Variants in CSMD1 observed in about 807,000 individuals in gnomAD.
CSMD1 encodes the protein CUB and Sushi multiple domains 1.
A neutral mutation model predicts 417.5 loss-of-function variants in CSMD1; 213 were observed. The observed-to-expected ratio is 0.51, with a 90% CI of 0.46 to 0.57. The LOEUF (loss-of-function observed/expected upper bound fraction) is 0.57. CSMD1 is among the 20% of genes least tolerant of loss of function. The pLI is 0.00. For missense variants in CSMD1, 6,923 were observed against 4,529.7 expected, an observed-to-expected ratio of 1.53 and a Z score of -15.17; for synonymous variants, 2,862 against 1,736.8, an observed-to-expected ratio of 1.65 and a Z score of -16.11.
At position 4,661,600 on chromosome 8, in the gene CSMD1, C is replaced by G. The variant is rs548131862; in HGVS notation, c.86-24042G>C. 1.8e-4 allele frequency among the ~76,000 whole-genome samples: 27 copies of G among 152,242 alleles called. No individual in the cohort carries two copies. In the South Asian group the frequency reaches 5.2e-3, roughly 29 times the overall value. ...TCAATACCTTAGCTGTGATGTTGTA[C>G]TATTTCCTGGCTTTGCAAGATGTTA... On this transcript the variant is annotated intron_variant, in intron 1 of 69. Coordinates refer to ENST00000635120, the MANE Select transcript of CSMD1 (RefSeq NM_033225.6).
chr8:4,214,668 G>A (rs1399911463), intron 3 of CSMD1, among the ~76,000 whole-genome samples: 1 of 152,132 alleles, frequency 6.6e-6, no homozygotes, highest in African/African-American at 2.4e-5. Flanking sequence ...GTGTGTATGA[G>A]TATGAGTGTG....
chr8:4,652,390 T>TG (rs397725079), intron 1 of CSMD1, among the ~76,000 whole-genome samples: 1 of 151,784 alleles, frequency 6.6e-6, no homozygotes, highest in Non-Finnish European at 1.5e-5. Context: ...TCTGTTTTTT[T>TG]GTCTGTTTCA....
intron 5 of CSMD1, among the ~76,000 whole-genome samples, chr8:3,996,805 C>G (rs1815256474): frequency 6.6e-6 from 1 of 152,178 alleles, no homozygotes; most frequent in Admixed American, 6.5e-5. Flanking sequence ...CAGGAAAGGA[C>G]TTCTCCATGA....
At chr8:4,032,774 T>C (rs868748773) in intron 3 of CSMD1, among the ~76,000 whole-genome samples, 6 of 152,200 alleles carry the variant, frequency 3.9e-5, no homozygotes, top group African/African-American at 1.4e-4. Context: ...TGAATTCACT[T>C]TCATTTTGTA....
intron 5 of CSMD1, among the ~76,000 whole-genome samples, chr8:3,789,363 T>C (rs932630544): frequency 1.2e-4 from 18 of 151,532 alleles, no homozygotes; most frequent in Non-Finnish European, 2.2e-4. Flanking sequence ...TCTGCTTGTA[T>C]TGCTAGTGTT....
At chr8:3,923,203 C>G (rs774715941) in intron 5 of CSMD1, among the ~76,000 whole-genome samples, 2 of 152,112 alleles carry the variant, frequency 1.3e-5, no homozygotes, top group Non-Finnish European at 2.9e-5. Context: ...GTGGCTGACT[C>G]TGGAGCTCAG....
intron 1 of CSMD1, among the ~76,000 whole-genome samples, chr8:4,776,579 T>G (rs1315622105): frequency 1.3e-5 from 2 of 152,144 alleles, no homozygotes. Context: ...TCTCCACTTC[T>G]GCATAAACGT....
intron 17 of CSMD1, among the ~76,000 whole-genome samples, chr8:3,394,384 A>G (rs1001518368): frequency 2.0e-5 from 3 of 151,634 alleles, no homozygotes; most frequent in Admixed American, 2.0e-4. Context: ...AAGAGAAATA[A>G]GAAGAAGACA....
chr8:4,788,111 G>A (rs1231429745), intron 1 of CSMD1: 3 of 1,604,116 alleles, frequency 1.9e-6, no homozygotes, highest in South Asian at 2.2e-5. Flanking sequence ...GTCAGTGCAG[G>A]GTTGTAGTGT....
At position 4,223,356 on chromosome 8, in the gene CSMD1, A is replaced by C. The variant is rs140606807; in HGVS notation, c.416-191257T>G. Among the ~76,000 whole-genome samples the C allele has an allele frequency of 1.5e-3, 223 of 152,372 alleles. 4 individuals are homozygous for C. The highest frequency in any genetic ancestry group is 4.9e-3 in the African/African-American group (205 of 41,594). On this transcript the variant is annotated intron_variant, in intron 3 of 69. Coordinates refer to ENST00000635120, the MANE Select transcript of CSMD1 (RefSeq NM_033225.6). ...TTGTCTCAGAACAATTTAAACTCCT[A>C]CCTGTAGTCCATCCATCAAGTAAAT... is the stretch of plus-strand genomic sequence containing the variant.
intron 51 of CSMD1, among the ~76,000 whole-genome samples, chr8:3,019,984 G>A (rs988394690): frequency 6.6e-5 from 10 of 152,226 alleles, no homozygotes; most frequent in South Asian, 4.1e-4. Flanking sequence ...AGGGTGCTTC[G>A]CTGCAGCCTG....
intron 3 of CSMD1, among the ~76,000 whole-genome samples, chr8:4,191,531 G>A (rs989305975): frequency 1.3e-5 from 2 of 152,170 alleles, no homozygotes; most frequent in African/African-American, 4.8e-5. Context: ...ACTAAAACAT[G>A]TGTCTCATCT....
intron 3 of CSMD1, among the ~76,000 whole-genome samples, chr8:4,105,874 C>A (rs907639490): frequency 6.6e-6 from 1 of 152,342 alleles, no homozygotes; most frequent in South Asian, 2.1e-4. Flanking sequence ...ACAGAGCAGA[C>A]AGGACACAGC....
intron 5 of CSMD1, among the ~76,000 whole-genome samples, chr8:3,948,452 T>A (rs961987383): frequency 2.0e-5 from 3 of 152,100 alleles, no homozygotes; most frequent in Admixed American, 1.3e-4. Context: ...ACACTTTGAA[T>A]GTGACCCTTC....
chr8:4,071,523 T>C (rs562432917), intron 3 of CSMD1, among the ~76,000 whole-genome samples: 4 of 152,204 alleles, frequency 2.6e-5, no homozygotes, highest in African/African-American at 7.2e-5. Context: ...TATTTAAGCA[T>C]AATTGTAATA....
At chr8:3,671,926 G>A (rs1255588073) in intron 7 of CSMD1, among the ~76,000 whole-genome samples, 2 of 152,006 alleles carry the variant, frequency 1.3e-5, no homozygotes, top group Non-Finnish European at 2.9e-5. Flanking sequence ...TTAGCCTGCT[G>A]GTCATTTTTG....
intron 7 of CSMD1, among the ~76,000 whole-genome samples, chr8:3,694,485 T>C (rs973560622): frequency 1.3e-5 from 2 of 151,902 alleles, no homozygotes; most frequent in Non-Finnish European, 2.9e-5. Flanking sequence ...GAAAACACCA[T>C]CTGGGAAAGC....
intron 3 of CSMD1, among the ~76,000 whole-genome samples, chr8:4,406,589 T>G (rs924208522): frequency 6.6e-6 from 1 of 152,088 alleles, no homozygotes; most frequent in Non-Finnish European, 1.5e-5. Flanking sequence ...CTGAGACAGA[T>G]AAGACACCCA....
In CSMD1 at chr8:2,936,370, A is replaced by ATATATAT. The variant is rs1554465599; in HGVS notation, c.*2214_*2215insATATATA. 1 of 146,276 alleles carries ATATATAT rather than the reference A, an allele frequency of 6.8e-6. No individual in the cohort carries two copies. Among genetic ancestry groups the ATATATAT allele is most frequent in the African/African-American group, 2.5e-5 (1 of 39,946 alleles). The allele number at this position is 146,276 out of a possible 1,614,324, so 9.1% of individuals were successfully genotyped here. A position where few individuals can be genotyped will look rare whatever the true frequency, so the allele number is the denominator to read the frequency against. ...GAATGACTCAAACTTAGATATGTAC[A>ATATATAT]ATATATATATATATATATGTATGTA... On this transcript the variant is annotated 3_prime_UTR_variant, in exon 70 of 70. Transcript: ENST00000635120.
Sources: gnomAD v4.1 joint callset for allele counts (sites outside exome capture counted in the v4.1 genomes callset) on GRCh38, gnomAD v4.1.1 for gene constraint, MANE v1.5 for transcripts, NCBI Gene and HGNC (gene_info 2026-07-23, HGNC 2026-07-21) for gene names.